The following CCNY variants were observed in gnomAD, a reference collection of about 807,000 sequenced individuals.
CCNY encodes the protein cyclin-Y.
CCNY carries 19 observed loss-of-function variants against 42.8 expected under a neutral mutation model. The observed-to-expected ratio is 0.44, with a 90% CI of 0.31 to 0.65. The LOEUF is 0.65. CCNY is among the 30% of genes least tolerant of loss of function. The pLI, the probability that CCNY is intolerant of heterozygous loss-of-function variation, is 0.07. For synonymous variants in CCNY, 165 were observed against 162.7 expected (o/e 1.01, Z -0.11); for missense variants, 370 against 437.3 (o/e 0.85, Z 1.37).
At chr10:35,504,403 G>A (rs1456524100) in intron 3 of CCNY, among the ~76,000 whole-genome samples, 2 of 152,226 alleles carry the variant, frequency 1.3e-5, no homozygotes, top group East Asian at 3.9e-4. Flanking sequence ...AATGAGAGGG[G>A]CCTTTAACTG....
At chr10:35,504,462 C>T (rs1016398449) in intron 3 of CCNY, among the ~76,000 whole-genome samples, 1 of 152,170 alleles carries the variant, frequency 6.6e-6, no homozygotes, top group Non-Finnish European at 1.5e-5. Context: ...AAGGAGACCA[C>T]TTCTCAAGGA....
chr10:35,403,753 A>G (rs572375091), intron 1 of CCNY, among the ~76,000 whole-genome samples: 35 of 152,316 alleles, frequency 2.3e-4, no homozygotes, highest in Non-Finnish European at 2.5e-4. Context: ...AATTAAGGCA[A>G]TGAGTTCGGC....
At chr10:35,548,895 C>G (rs1408383622) in intron 7 of CCNY, among the ~76,000 whole-genome samples, 3 of 152,150 alleles carry the variant, frequency 2.0e-5, no homozygotes, top group Admixed American at 6.5e-5. Context: ...GTACAGTGCC[C>G]TGATCCATTC....
chr10:35,550,289 T>A (rs377555247), intron 7 of CCNY, among the ~76,000 whole-genome samples: 47 of 151,938 alleles, frequency 3.1e-4, no homozygotes, highest in African/African-American at 1.1e-3. Flanking sequence ...CCTACAGTGC[T>A]TGTGACCCTG....
intron 3 of CCNY, among the ~76,000 whole-genome samples, chr10:35,320,217 T>A (rs1173670030): frequency 6.6e-6 from 1 of 152,064 alleles, no homozygotes; most frequent in African/African-American, 2.4e-5. Context: ...GCAAACATCC[T>A]TAGTTAAATT....
At chr10:35,264,642 C>T (rs1218669437) in intron 3 of CCNY, among the ~76,000 whole-genome samples, 1 of 151,760 alleles carries the variant, frequency 6.6e-6, no homozygotes, top group Non-Finnish European at 1.5e-5. Flanking sequence ...GGTCCTTTGC[C>T]CAGTTTTTTG....
chr10:35,549,480 T>C (rs75765872), intron 7 of CCNY, among the ~76,000 whole-genome samples: 2,969 of 68,948 alleles, frequency 0.043, 22 homozygotes, highest in African/African-American at 0.067. Flanking sequence ...CGTGACCCTG[T>C]GCTGCTCATG....
At chr10:35,528,727 AAATAATAAT>A (rs1057371062) in intron 5 of CCNY, among the ~76,000 whole-genome samples, 3 of 152,188 alleles carry the variant, frequency 2.0e-5, no homozygotes, top group African/African-American at 7.2e-5. Flanking sequence ...CCGTCTCAAA[AAATAATAAT>A]AATAATTGCT....
At position 35,556,846 on chromosome 10, in the gene CCNY, A is replaced by AT. The variant is rs61540981; in HGVS notation, c.746+3677dup. ...TTGGAAAATTTTATATCCTCACTAC[A>AT]TTTTTTTTTTTTTTTTAAGACAGAG... is the stretch of plus-strand genomic sequence containing the variant. On this transcript the variant is annotated intron_variant, in intron 8 of 9. Transcript: ENST00000374704. Among the ~76,000 whole-genome samples, 551 of 139,416 alleles carry AT rather than the reference A, an allele frequency of 4.0e-3. 2 individuals are homozygous for AT. Among genetic ancestry groups the AT allele is most frequent in the South Asian group, 0.03 (133 of 4,368 alleles). The allele number at this position is 139,416 out of a possible 152,430, so 91.5% of individuals were successfully genotyped here. A position where few individuals can be genotyped will look rare whatever the true frequency, so the allele number is the denominator to read the frequency against.
chr10:35,521,246 C>G (rs1421218555), intron 4 of CCNY, among the ~76,000 whole-genome samples: 1 of 152,220 alleles, frequency 6.6e-6, no homozygotes, highest in Admixed American at 6.5e-5. Context: ...AGGGCTCTGG[C>G]CCTTCCTTGG....
intron 1 of CCNY, among the ~76,000 whole-genome samples, chr10:35,470,345 A>G (rs1407807965): frequency 6.6e-6 from 1 of 152,144 alleles, no homozygotes; most frequent in Non-Finnish European, 1.5e-5. Context: ...AGATGGAGGG[A>G]CAGACAGACA....
chr10:35,395,856 C>T (rs1050883288), intron 1 of CCNY, among the ~76,000 whole-genome samples: 2 of 152,170 alleles, frequency 1.3e-5, no homozygotes, highest in African/African-American at 4.8e-5. Flanking sequence ...GGGTTTAGGG[C>T]TGGGCCTCTC....
At chr10:35,474,433 T>G (rs186676620) in intron 1 of CCNY, among the ~76,000 whole-genome samples, 2 of 152,298 alleles carry the variant, frequency 1.3e-5, no homozygotes, top group African/African-American at 4.8e-5. Context: ...GTTCTCCCAG[T>G]ACGCAGCTGG....
intron 3 of CCNY, among the ~76,000 whole-genome samples, chr10:35,289,968 G>A (rs1273952387): frequency 1.3e-5 from 2 of 151,658 alleles, no homozygotes; most frequent in East Asian, 1.9e-4. Context: ...GCTTATGCCT[G>A]TAATCTCAGC....
At chr10:35,262,220 C>T (rs1222655817) in intron 3 of CCNY, among the ~76,000 whole-genome samples, 1 of 138,940 alleles carries the variant, frequency 7.2e-6, no homozygotes, top group African/African-American at 2.8e-5. Flanking sequence ...CAAGATGGCA[C>T]CTCTGCACTC....
chr10:35,326,804 G>A (rs568217497), intron 3 of CCNY, among the ~76,000 whole-genome samples: 5 of 152,272 alleles, frequency 3.3e-5, no homozygotes, highest in Admixed American at 2.6e-4. Context: ...TGGGAGGATC[G>A]CTGGAACCCA....
intron 7 of CCNY, among the ~76,000 whole-genome samples, chr10:35,531,806 A>G (rs2135425107): frequency 6.6e-6 from 1 of 152,238 alleles, no homozygotes; most frequent in South Asian, 2.1e-4. Flanking sequence ...GGTCGGGATT[A>G]TTATTTAGCT....
chr10:35,470,815 A>G (rs1316764786), intron 1 of CCNY, among the ~76,000 whole-genome samples: 2 of 152,202 alleles, frequency 1.3e-5, no homozygotes, highest in African/African-American at 2.4e-5. Context: ...TAACAAATGG[A>G]GATAATCACT....
chr10:35,401,021 G>C (rs3003987), intron 1 of CCNY, among the ~76,000 whole-genome samples: 1 of 152,184 alleles, frequency 6.6e-6, no homozygotes, highest in South Asian at 2.1e-4. Context: ...TGAAGTAACT[G>C]TGCTCTGAAG....
Sources: allele counts gnomAD v4.1 joint callset (sites outside exome capture counted in the v4.1 genomes callset), GRCh38; gene constraint gnomAD v4.1.1; transcripts MANE v1.5; gene names NCBI Gene and HGNC (gene_info 2026-07-23, HGNC 2026-07-21).